The following CEP290 variants were observed in gnomAD, a reference collection of about 807,000 sequenced individuals.
The protein encoded by CEP290 is centrosomal protein of 290 kDa.
Under a neutral mutation model 344.9 loss-of-function variants are expected in CEP290, and 317 were observed. That is an observed-to-expected ratio of 0.92 (90% CI 0.84 to 1.01). The LOEUF (loss-of-function observed/expected upper bound fraction) is 1.01. Among genes scored for constraint, CEP290 ranks in the 50% least tolerant of loss-of-function variants. CEP290 has a pLI of 0.00. For missense variants in CEP290, 2,754 were observed against 2,761.4 expected, an observed-to-expected ratio of 1.00 and a Z score of 0.06; for synonymous variants, 932 against 895.8, an observed-to-expected ratio of 1.04 and a Z score of -0.72.
At chr12:88,140,843 A>T in intron 3 of CEP290, 113 bp downstream of exon 3, 1 of 636,830 alleles carries the variant, frequency 1.6e-6, no homozygotes, top group Middle Eastern at 4.1e-4. Flanking sequence ...TGCATTTTTT[A>T]GTGGTGATGT....
intron 13 of CEP290, among the ~76,000 whole-genome samples, chr12:88,122,775 T>C (rs1198413860): frequency 6.6e-6 from 1 of 152,138 alleles, no homozygotes. Context: ...GATACAAATA[T>C]AATAAACACA....
chr12:88,059,011 C>T lies in CEP290; in HGVS notation c.6655G>A (p.Ala2219Thr). 1 of 1,608,904 alleles carries T rather than the reference C, an allele frequency of 6.2e-7. No individual in the cohort carries two copies. The highest frequency in any genetic ancestry group is 1.7e-4 in the Middle Eastern group (1 of 6,050). Reference sequence around the variant, plus strand: ...TTTGCTATCCGTAATTTCTCTGCAGCATCAGTTTCCTATCATTAAATGCTA... The same window carrying T: ...TTTGCTATCCGTAATTTCTCTGCAGTATCAGTTTCCTATCATTAAATGCTA... ...LRKELKKETD[A>T]AEKLRIAKNN... Residue 2219 changes from alanine to threonine, a missense_variant, in exon 49 of 54, where the codon GCT becomes ACT. Physicochemically the swap from Ala to Thr is moderately conservative, Grantham distance 58 (BLOSUM62 0). Transcript: ENST00000552810.
intron 26 of CEP290, among the ~76,000 whole-genome samples, chr12:88,102,624 T>C (rs2037976773): frequency 8.3e-6 from 1 of 120,212 alleles, no homozygotes; most frequent in East Asian, 2.7e-4. Context: ...ATTCAGCCAC[T>C]ATAAATAGAT....
chr12:88,118,615 A>G (rs564628324), intron 16 of CEP290, 28 bp downstream of exon 16: 2 of 1,611,434 alleles, frequency 1.2e-6, no homozygotes, highest in South Asian at 1.1e-5. Flanking sequence ...TTCAGCCAAG[A>G]AAATAATCAA....
At chr12:88,114,354 T>G (rs2038908699) in intron 20 of CEP290, 66 bp downstream of exon 20, 2 of 1,265,764 alleles carry the variant, frequency 1.6e-6, no homozygotes, top group East Asian at 2.6e-5. Flanking sequence ...TATGGAGATC[T>G]GTACACAGCA....
intron 22 of CEP290, among the ~76,000 whole-genome samples, chr12:88,110,956 A>T (rs1256954469): frequency 1.3e-5 from 2 of 152,202 alleles, no homozygotes; most frequent in Non-Finnish European, 2.9e-5. Context: ...AATGAATGGT[A>T]TAAATTGCTT....
At position 88,089,384 on chromosome 12, in the gene CEP290, G is replaced by A. The variant is rs1188505248; in HGVS notation, c.3677C>T (p.Ser1226Phe). 2 of 1,613,602 alleles carry A rather than the reference G, an allele frequency of 1.2e-6. No individual in the cohort carries two copies. Among genetic ancestry groups the A allele is most frequent in the Non-Finnish European group, 1.7e-6 (2 of 1,179,798 alleles). Residue 1226 changes from serine (S) to phenylalanine (F), a missense_variant, in exon 31 of 54, where the codon TCT becomes TTT. Physicochemically the swap from Ser to Phe is radical, Grantham distance 155 (BLOSUM62 -2). Transcript: ENST00000552810. ...TALGKLESITSKLQKMEAYNL... is the reference protein window; with the variant it reads ...TALGKLESITFKLQKMEAYNL... Reference sequence around the variant, plus strand: ...GTAGGCCTCCATCTTCTGCAGTTTAGATGTAATTGACTCCAACTTACCAAG... The same window carrying A: ...GTAGGCCTCCATCTTCTGCAGTTTAAATGTAATTGACTCCAACTTACCAAG...
chr12:88,049,141 A>C lies in CEP290; in HGVS notation c.*43T>G, dbSNP rs780284183. ...TATTTCCAAGTATATTTAACTTATA[A>C]AGTTAATAAATAGTTAAATGAAACA... On this transcript the variant is annotated 3_prime_UTR_variant, in exon 54 of 54. Coordinates refer to ENST00000552810, the MANE Select transcript of CEP290 (RefSeq NM_025114.4). 1 of 1,187,244 alleles carries C rather than the reference A, an allele frequency of 8.4e-7. No individual in the cohort carries two copies. Among genetic ancestry groups the C allele is most frequent in the African/African-American group, 1.6e-5 (1 of 64,124 alleles). 73.5% of individuals were successfully genotyped at this position (1,187,244 alleles called of 1,614,324 possible).
At chr12:88,137,464 T>G (rs912100031) in intron 5 of CEP290, among the ~76,000 whole-genome samples, 1 of 152,200 alleles carries the variant, frequency 6.6e-6, no homozygotes, top group African/African-American at 2.4e-5. Flanking sequence ...TCTTGTTAAT[T>G]CAGGTCATGG....
Position 88,128,934 on chromosome 12 carries a change from GA to G in CEP290, c.942+11del, listed in dbSNP as rs558914208. ...AAAAGAAAAAGTTATTATGTCAATT[GA>G]AAAAAAATACCTTCCATTCTTCTAC... On this transcript the variant is annotated intron_variant, in intron 11 of 53. Transcript: ENST00000552810. 70 of 1,465,492 alleles carry G rather than the reference GA, an allele frequency of 4.8e-5. No individual in the cohort carries two copies. The highest frequency in any genetic ancestry group is 1.6e-4 in the East Asian group (6 of 38,604). The allele number at this position is 1,465,492 out of a possible 1,614,324, so 90.8% of individuals were successfully genotyped here.
At chr12:88,070,619 AG>A (rs2035299172) in intron 43 of CEP290, among the ~76,000 whole-genome samples, 1 of 152,094 alleles carries the variant, frequency 6.6e-6, no homozygotes, top group East Asian at 1.9e-4. Flanking sequence ...TGATACTAAG[AG>A]GGTAAGGTAA....
intron 15 of CEP290, among the ~76,000 whole-genome samples, chr12:88,119,785 A>G (rs12318967): frequency 0.21 from 31,313 of 152,104 alleles, 3,549 homozygotes; most frequent in Non-Finnish European, 0.26. Context: ...TGGGTAATAC[A>G]GACCCTACTT....
In CEP290 at chr12:88,111,858, C is replaced by T. The variant is rs2038714969; in HGVS notation, c.2053G>A (p.Ala685Thr). Residue 685 changes from alanine to threonine, a missense_variant and splice_region_variant, in exon 21 of 54, where the codon GCT becomes ACT. By Grantham distance (58) the Ala-to-Thr change is moderately conservative (BLOSUM62 0). Transcript: ENST00000552810. ...IIPSLERLVN[A>T]IESKNAEGIF... ...CCTTCTGCATTCTTTGATTCTATAGCCTAGCAAATTTATATTATATATTAG... is the reference window on the plus strand; with the variant it reads ...CCTTCTGCATTCTTTGATTCTATAGTCTAGCAAATTTATATTATATATTAG... The T allele has an allele frequency of 6.5e-7, 1 of 1,549,510 alleles. No homozygotes were observed. Among genetic ancestry groups the T allele is most frequent in the Non-Finnish European group, 8.7e-7 (1 of 1,149,578 alleles).
At chr12:88,137,378 A>G (rs1042279433) in intron 5 of CEP290, among the ~76,000 whole-genome samples, 1 of 152,242 alleles carries the variant, frequency 6.6e-6, no homozygotes, top group Non-Finnish European at 1.5e-5. Context: ...GGTTAGTGCT[A>G]GTGCTACCAT....
intron 29 of CEP290, among the ~76,000 whole-genome samples, chr12:88,091,546 A>G (rs1012107177): frequency 6.6e-6 from 1 of 152,164 alleles, no homozygotes. Flanking sequence ...ATTATAGATA[A>G]GGCAGGTTTC....
chr12:88,083,921 C>A lies in CEP290; in HGVS notation c.4738G>T (p.Asp1580Tyr). 1 of 1,596,604 alleles carries A rather than the reference C, an allele frequency of 6.3e-7. No homozygotes were observed. The highest frequency in any genetic ancestry group is 1.3e-5 in the African/African-American group (1 of 74,678). Residue 1580 changes from aspartate (D) to tyrosine (Y), a missense_variant, in exon 36 of 54, where the codon GAC becomes TAC. Transcript: ENST00000552810. ...AATCTGTGATGAAGAATATGAAGGT[C>A]TTCCTCATGTTTCTTCACAATTTCT... ...QREIVKKHEE[D>Y]LHILHHRLEL...
At position 88,117,447 on chromosome 12, in the gene CEP290, T is replaced by C. The variant is rs183002789; in HGVS notation, c.1712-302A>G. Among the ~76,000 whole-genome samples the C allele has an allele frequency of 2.1e-3, 315 of 152,310 alleles. 2 individuals are homozygous for C. Among genetic ancestry groups the C allele is most frequent in the African/African-American group, 7.5e-3 (312 of 41,586 alleles). On this transcript the variant is annotated intron_variant, in intron 17 of 53. Transcript: ENST00000552810. Reference sequence around the variant, plus strand: ...AGACATATAAAGTAAATATAAATGATGAGTAATGAGTAAACTGATTATTGT... The same window carrying C: ...AGACATATAAAGTAAATATAAATGACGAGTAATGAGTAAACTGATTATTGT...
chr12:88,119,755 G>C (rs1045624143), intron 15 of CEP290, among the ~76,000 whole-genome samples: 3 of 152,058 alleles, frequency 2.0e-5, no homozygotes, highest in Non-Finnish European at 4.4e-5. Flanking sequence ...TCTGTTACAA[G>C]AGCATTTTGC....
intron 44 of CEP290, among the ~76,000 whole-genome samples, chr12:88,064,884 G>A (rs2034784086): frequency 6.6e-6 from 1 of 152,006 alleles, no homozygotes; most frequent in African/African-American, 2.4e-5. Context: ...GAATACACTA[G>A]GCTACAAAAG....
Sources: gnomAD v4.1 joint callset for allele counts (sites outside exome capture counted in the v4.1 genomes callset) on GRCh38, gnomAD v4.1.1 for gene constraint, MANE v1.5 for transcripts, NCBI Gene and HGNC (gene_info 2026-07-23, HGNC 2026-07-21) for gene names.